OLFML2A: variants seen among roughly 807,000 people sequenced by gnomAD.
OLFML2A encodes the protein olfactomedin like 2A.
In OLFML2A, 47 loss-of-function variants were observed where a neutral mutation model predicts 60.9. That is an observed-to-expected ratio of 0.77 (90% confidence interval 0.61 to 0.98). The LOEUF (loss-of-function observed/expected upper bound fraction) is 0.98, where lower values mean the gene tolerates loss of function less well. OLFML2A is among the 50% of genes least tolerant of loss of function. The pLI is 0.00. For synonymous variants in OLFML2A, 372 were observed against 375.0 expected (o/e 0.99, Z 0.09); for missense variants, 922 against 879.8 (o/e 1.05, Z -0.61).
At chr9:124,809,726 G>A (rs1841964396) in intron 7 of OLFML2A, 82 bp from the exon 8 acceptor site, 1 of 1,485,386 alleles carries the variant, frequency 6.7e-7, no homozygotes. Context: ...CTGGGCCACT[G>A]AGAGCCCTTG....
intron 3 of OLFML2A, among the ~76,000 whole-genome samples, chr9:124,798,030 C>A (rs1481291491): frequency 1.3e-5 from 2 of 152,150 alleles, no homozygotes; most frequent in Non-Finnish European, 2.9e-5. Flanking sequence ...GGAGCCGGCA[C>A]GGCCCAGGAG....
At chr9:124,797,011 T>C (rs572020547) in intron 3 of OLFML2A, among the ~76,000 whole-genome samples, 15 of 152,296 alleles carry the variant, frequency 9.8e-5, no homozygotes, top group Admixed American at 2.0e-4. Context: ...TGATTGTTTG[T>C]TTGTTTTTTT....
At chr9:124,809,154 G>C (rs994286080) in intron 7 of OLFML2A, among the ~76,000 whole-genome samples, 1 of 152,034 alleles carries the variant, frequency 6.6e-6, no homozygotes, top group Non-Finnish European at 1.5e-5. Flanking sequence ...ATGACAGAGA[G>C]AGACTCTATC....
chr9:124,787,795 G>A (rs1344581392), intron 2 of OLFML2A, among the ~76,000 whole-genome samples: 1 of 151,832 alleles, frequency 6.6e-6, no homozygotes, highest in Admixed American at 6.6e-5. Context: ...CTGACCTCAA[G>A]TGAACTGCCT....
At position 124,814,096 on chromosome 9, in the gene OLFML2A, G is replaced by C. The variant is rs939483481; in HGVS notation, c.*3684G>C. The C allele has an allele frequency of 6.6e-6, 1 of 152,180 alleles. No homozygotes were observed. The highest frequency in any genetic ancestry group is 1.5e-5 in the Non-Finnish European group (1 of 68,048). The allele number at this position is 152,180 out of a possible 1,614,324, so 9.4% of individuals were successfully genotyped here. A position where few individuals can be genotyped will look rare whatever the true frequency, so the allele number is the denominator to read the frequency against. On this transcript the variant is annotated 3_prime_UTR_variant, in exon 8 of 8. Coordinates refer to ENST00000373580, the MANE Select transcript of OLFML2A (RefSeq NM_182487.4). ...AGATGTCCAGGCCTTACATTTAATCGGCTTTCTCTGCGGTGGGGTAGAGAA... is the reference window on the plus strand; with the variant it reads ...AGATGTCCAGGCCTTACATTTAATCCGCTTTCTCTGCGGTGGGGTAGAGAA...
At chr9:124,786,113 C>A (rs1841465031) in intron 1 of OLFML2A, among the ~76,000 whole-genome samples, 1 of 152,036 alleles carries the variant, frequency 6.6e-6, no homozygotes. Flanking sequence ...GACCCTCTCT[C>A]TACAAACAAA....
At chr9:124,784,288 C>G (rs1220418909) in intron 1 of OLFML2A, among the ~76,000 whole-genome samples, 1 of 151,716 alleles carries the variant, frequency 6.6e-6, no homozygotes, top group Non-Finnish European at 1.5e-5. Context: ...ACTGCAATCT[C>G]CGCCTCCCGG....
chr9:124,799,561 GC>G (rs1841735274), intron 4 of OLFML2A, 70 bp downstream of exon 4: 1 of 1,312,276 alleles, frequency 7.6e-7, no homozygotes, highest in African/African-American at 1.5e-5. Flanking sequence ...CAGGACGTTG[GC>G]CCTGTGGATC....
In OLFML2A at chr9:124,807,741, G is replaced by A. The variant is rs371877593; in HGVS notation, c.1169-40G>A. 9 of 1,532,152 alleles carry A rather than the reference G, an allele frequency of 5.9e-6. 1 individual carries two copies. The highest frequency in any genetic ancestry group is 2.4e-5 in the South Asian group (2 of 83,938). The allele number at this position is 1,532,152 out of a possible 1,614,324, so 94.9% of individuals were successfully genotyped here. A position where few individuals can be genotyped will look rare whatever the true frequency, so the allele number is the denominator to read the frequency against. On this transcript the variant is annotated intron_variant, in intron 6 of 7. Coordinates refer to ENST00000373580, the MANE Select transcript of OLFML2A (RefSeq NM_182487.4). ...CCCGTTGCTCTGGCTGGGGGGCTTG[G>A]GGGTCTGTGTACCGATGCTGCCTGC...
chr9:124,793,186 G>C (rs2131258633), intron 2 of OLFML2A, among the ~76,000 whole-genome samples: 1 of 152,342 alleles, frequency 6.6e-6, no homozygotes, highest in Non-Finnish European at 1.5e-5. Context: ...TGTGCGTGAG[G>C]GTGGGCCCGA....
intron 6 of OLFML2A, 104 bp downstream of exon 6, chr9:124,804,446 G>A: frequency 8.6e-7 from 1 of 1,163,474 alleles, no homozygotes; most frequent in Non-Finnish European, 1.2e-6. Flanking sequence ...TTTTATAGCT[G>A]AGCATGGTAG....
chr9:124,791,421 T>C (rs979364714), intron 2 of OLFML2A, among the ~76,000 whole-genome samples: 3 of 152,138 alleles, frequency 2.0e-5, no homozygotes, highest in African/African-American at 7.2e-5. Flanking sequence ...TAAAATGCTA[T>C]ACAAATGAAT....
At chr9:124,792,065 C>G (rs146142420) in intron 2 of OLFML2A, among the ~76,000 whole-genome samples, 2 of 152,344 alleles carry the variant, frequency 1.3e-5, no homozygotes, top group Non-Finnish European at 2.9e-5. Flanking sequence ...AGTGCTCCTC[C>G]TACAGAGCTC....
Position 124,807,766 on chromosome 9 carries a change from C to T in OLFML2A, c.1169-15C>T, listed in dbSNP as rs1484087177. On this transcript the variant is annotated splice_polypyrimidine_tract_variant and intron_variant, in intron 6 of 7. Coordinates refer to ENST00000373580, the MANE Select transcript of OLFML2A (RefSeq NM_182487.4). ...GGGGTCTGTGTACCGATGCTGCCTG[C>T]CCTCCTCCCCACAGGCAGAGAGGCG... is the stretch of plus-strand genomic sequence containing the variant. 11 of 1,601,812 alleles carry T rather than the reference C, an allele frequency of 6.9e-6. No homozygotes were observed. The highest frequency in any genetic ancestry group is 9.4e-6 in the Non-Finnish European group (11 of 1,175,414).
chr9:124,807,767 C>G lies in OLFML2A; in HGVS notation c.1169-14C>G, dbSNP rs766359554. 1 of 1,603,256 alleles carries G rather than the reference C, an allele frequency of 6.2e-7. No homozygotes were observed. The highest frequency in any genetic ancestry group is 1.1e-5 in the South Asian group (1 of 90,164). On this transcript the variant is annotated splice_polypyrimidine_tract_variant and intron_variant, in intron 6 of 7. Transcript: ENST00000373580. ...GGGTCTGTGTACCGATGCTGCCTGC[C>G]CTCCTCCCCACAGGCAGAGAGGCGA...
intron 6 of OLFML2A, among the ~76,000 whole-genome samples, chr9:124,805,347 T>A (rs1841870546): frequency 6.6e-6 from 1 of 152,096 alleles, no homozygotes; most frequent in African/African-American, 2.4e-5. Context: ...ATTTCTAATG[T>A]CAGAAAACTG....
intron 6 of OLFML2A, among the ~76,000 whole-genome samples, chr9:124,805,298 G>A (rs191835984): frequency 3.9e-5 from 6 of 152,202 alleles, no homozygotes; most frequent in Admixed American, 3.9e-4. Flanking sequence ...CCAGCAATGG[G>A]AACAACAGCT....
In OLFML2A at chr9:124,795,878, C is replaced by T. The variant is rs531524687; in HGVS notation, c.462+747C>T. On this transcript the variant is annotated intron_variant, in intron 3 of 7. Transcript: ENST00000373580. ...AGCTGCTGTGGAGGCAGAGGTGCTG[C>T]GTGTCCTGCCCTGGTCAGGGTGAAT... 7.6e-4 allele frequency among the ~76,000 whole-genome samples: 116 copies of T among 152,362 alleles called. 1 individual carries two copies. The highest frequency in any genetic ancestry group is 2.3e-3 in the Admixed American group (35 of 15,302).
In OLFML2A at chr9:124,810,098, G is replaced by T. The variant is rs773225362; in HGVS notation, c.1645G>T (p.Val549Phe). Reference sequence around the variant, plus strand: ...CGATGAGGCCCAGCCCGAGGTGATCGTCCTGAGTCGCTTGGACCCCGGCGA... The same window carrying T: ...CGATGAGGCCCAGCCCGAGGTGATCTTCCTGAGTCGCTTGGACCCCGGCGA... ...DRDEAQPEVI[V>F]LSRLDPGDLS... Residue 549 changes from valine (V) to phenylalanine (F), a missense_variant, in exon 8 of 8, where the codon GTC becomes TTC. Physicochemically the swap from Val to Phe is conservative, Grantham distance 50. Transcript: ENST00000373580. The T allele has an allele frequency of 6.2e-7, 1 of 1,613,786 alleles. No individual in the cohort carries two copies. The highest frequency in any genetic ancestry group is 1.1e-5 in the South Asian group (1 of 91,080).
Sources: gnomAD v4.1 joint callset for allele counts (sites outside exome capture counted in the v4.1 genomes callset) on GRCh38, gnomAD v4.1.1 for gene constraint, MANE v1.5 for transcripts, NCBI Gene and HGNC (gene_info 2026-07-23, HGNC 2026-07-21) for gene names.